MBNL2: variants seen among roughly 807,000 people sequenced by gnomAD.
The protein encoded by MBNL2 is muscleblind like splicing regulator 2.
A neutral mutation model predicts 41.9 loss-of-function variants in MBNL2; 17 were observed. The observed-to-expected ratio is 0.41, with a 90% CI of 0.28 to 0.61. MBNL2 has a LOEUF of 0.61. Among genes scored for constraint, MBNL2 ranks in the 20% least tolerant of loss-of-function variants. The pLI is 0.35. For synonymous variants in MBNL2, 195 were observed against 182.9 expected (o/e 1.07, Z -0.53); for missense variants, 336 against 505.6 (o/e 0.66, Z 3.22).
chr13:97,191,039 G>T, the MBNL2 span, among the ~76,000 whole-genome samples: 73,037 of 151,832 alleles, frequency 0.48, 21,406 homozygotes, highest in Non-Finnish European at 0.64. Flanking sequence ...GGAAATCCAT[G>T]CCTGTAATGA....
upstream of MBNL2, among the ~76,000 whole-genome samples, chr13:97,218,279 G>A (rs1201946603): frequency 2.6e-5 from 4 of 151,878 alleles, no homozygotes; most frequent in South Asian, 2.1e-4. Context: ...GCGTGGTGGC[G>A]GGTGCCTGTA....
At chr13:97,155,401 T>A in the MBNL2 span, among the ~76,000 whole-genome samples, 4 of 151,624 alleles carry the variant, frequency 2.6e-5, no homozygotes, top group East Asian at 3.8e-4. Context: ...TTTATTTTTT[T>A]TTTTATTATT....
chr13:97,184,008 G>A, the MBNL2 span, among the ~76,000 whole-genome samples: 2 of 152,202 alleles, frequency 1.3e-5, no homozygotes, highest in Non-Finnish European at 2.9e-5. Context: ...AATGGAGCTA[G>A]AGACTTCAGA....
chr13:97,179,954 G>A, the MBNL2 span, among the ~76,000 whole-genome samples: 54 of 152,104 alleles, frequency 3.6e-4, no homozygotes, highest in African/African-American at 1.0e-3. Flanking sequence ...ATAGAAAACC[G>A]TTCAATTGCA....
chr13:97,182,703 C>T, the MBNL2 span, among the ~76,000 whole-genome samples: 7 of 152,096 alleles, frequency 4.6e-5, no homozygotes, highest in Admixed American at 1.3e-4. Context: ...AAGATAGAAA[C>T]GAAGATATGG....
chr13:97,357,241 T>G (rs1272759823), intron 6 of MBNL2, among the ~76,000 whole-genome samples: 2 of 152,218 alleles, frequency 1.3e-5, no homozygotes, highest in Admixed American at 6.5e-5. Flanking sequence ...TTGTTGTTGC[T>G]TGATAGTTTT....
chr13:97,367,877 C>A (rs1274775688), intron 8 of MBNL2, among the ~76,000 whole-genome samples: 1 of 152,172 alleles, frequency 6.6e-6, no homozygotes, highest in Admixed American at 6.5e-5. Context: ...GAACAAAGAA[C>A]AGGCAAGGAT....
At chr13:97,172,795 C>A in the MBNL2 span, 2 of 152,156 alleles carry the variant, frequency 1.3e-5, no homozygotes, top group African/African-American at 4.8e-5. Context: ...CAGCATGTAA[C>A]TGTAAGTCTC....
chr13:97,356,421 CA>C (rs1381111420), intron 5 of MBNL2, among the ~76,000 whole-genome samples: 1 of 95,004 alleles, frequency 1.1e-5, no homozygotes, highest in African/African-American at 1.2e-4. Context: ...ACAAATTTTG[CA>C]TTTTTTTTTC....
chr13:97,288,145 T>C lies in MBNL2; in HGVS notation c.174+11736T>C, dbSNP rs561780435. On this transcript the variant is annotated intron_variant, in intron 2 of 8. Coordinates refer to ENST00000679496, the MANE Select transcript of MBNL2 (RefSeq NM_001382683.1). ...GTTCTTTTTCCATAATGCCTTTACT[T>C]GGCAAAAAGAAAAAATAAACGGGCA... Among the ~76,000 whole-genome samples, 210 of 151,932 alleles carry C rather than the reference T, an allele frequency of 1.4e-3. 2 individuals carry two copies. Among genetic ancestry groups the C allele is most frequent in the African/African-American group, 4.8e-3 (198 of 41,400 alleles).
At chr13:97,169,149 G>A in the MBNL2 span, among the ~76,000 whole-genome samples, 1 of 152,098 alleles carries the variant, frequency 6.6e-6, no homozygotes, top group African/African-American at 2.4e-5. Context: ...CCATTTTAGG[G>A]ACCAATAACT....
chr13:97,301,426 G>C (rs1048990433), intron 2 of MBNL2, among the ~76,000 whole-genome samples: 4 of 152,200 alleles, frequency 2.6e-5, no homozygotes, highest in African/African-American at 9.7e-5. Context: ...GATCTGCCTG[G>C]TTTCTAATGA....
At chr13:97,335,904 A>G (rs1434192966) in intron 3 of MBNL2, among the ~76,000 whole-genome samples, 1 of 152,230 alleles carries the variant, frequency 6.6e-6, no homozygotes, top group Admixed American at 6.5e-5. Flanking sequence ...AAACTATTTT[A>G]TTAAATTACC....
chr13:97,391,196 T>G (rs950487723), intron 8 of MBNL2, 126 bp from the exon 9 acceptor site: 1 of 613,608 alleles, frequency 1.6e-6, no homozygotes, highest in African/African-American at 1.9e-5. Context: ...TATAATTGCA[T>G]CAAAATAATG....
chr13:97,154,565 C>T, the MBNL2 span, among the ~76,000 whole-genome samples: 1 of 152,134 alleles, frequency 6.6e-6, no homozygotes, highest in Non-Finnish European at 1.5e-5. Context: ...ATCTGCCTGC[C>T]TTGGCCTCCC....
the MBNL2 span, among the ~76,000 whole-genome samples, chr13:97,185,057 TTG>T: frequency 6.6e-6 from 1 of 152,234 alleles, no homozygotes; most frequent in South Asian, 2.1e-4. Context: ...CAATTATTTC[TTG>T]TGTTTCTGCA....
chr13:97,291,943 C>A (rs1168866198), intron 2 of MBNL2, among the ~76,000 whole-genome samples: 1 of 138,792 alleles, frequency 7.2e-6, no homozygotes, highest in African/African-American at 2.8e-5. Flanking sequence ...TGGCTCACGC[C>A]TGTAATCCCA....
At chr13:97,290,520 C>CA (rs1468026579) in intron 2 of MBNL2, among the ~76,000 whole-genome samples, 2 of 151,540 alleles carry the variant, frequency 1.3e-5, no homozygotes, top group Non-Finnish European at 2.9e-5. Context: ...ACTAAAAATA[C>CA]AAAAAATTAG....
intron 1 of MBNL2, among the ~76,000 whole-genome samples, chr13:97,271,261 G>A (rs143117159): frequency 2.5e-3 from 382 of 151,634 alleles, no homozygotes; most frequent in Non-Finnish European, 3.8e-3. Context: ...GATTACAGGC[G>A]TGTGCCAGGC....
Sources: allele counts gnomAD v4.1 joint callset (sites outside exome capture counted in the v4.1 genomes callset), GRCh38; gene constraint gnomAD v4.1.1; transcripts MANE v1.5; gene names NCBI Gene and HGNC (gene_info 2026-07-23, HGNC 2026-07-21).